The following QTMAN variants were observed in gnomAD, a reference collection of about 807,000 sequenced individuals.
QTMAN encodes tRNA-queuosine alpha-mannosyltransferase.
At chr2:144,120,896 T>C in the QTMAN span, among the ~76,000 whole-genome samples, 1 of 152,188 alleles carries the variant, frequency 6.6e-6, no homozygotes, top group Non-Finnish European at 1.5e-5. Flanking sequence ...CCAACTCACT[T>C]TCTCTACATT....
chr2:144,142,813 G>A, the QTMAN span, among the ~76,000 whole-genome samples: 6 of 151,964 alleles, frequency 3.9e-5, no homozygotes, highest in African/African-American at 7.2e-5. Context: ...CATGATCTTC[G>A]AATTCAATGA....
At chr2:144,245,950 CT>C in the QTMAN span, among the ~76,000 whole-genome samples, 2 of 152,146 alleles carry the variant, frequency 1.3e-5, no homozygotes, top group Non-Finnish European at 1.5e-5. Flanking sequence ...TCTGTTCTCT[CT>C]CCTTTTAATC....
chr2:144,078,156 G>A, the QTMAN span, among the ~76,000 whole-genome samples: 1 of 152,166 alleles, frequency 6.6e-6, no homozygotes, highest in Non-Finnish European at 1.5e-5. Flanking sequence ...CACAGTCTCT[G>A]AATACAACAC....
the QTMAN span, among the ~76,000 whole-genome samples, chr2:144,252,604 T>C: frequency 2.0e-5 from 3 of 152,150 alleles, no homozygotes; most frequent in Non-Finnish European, 4.4e-5. Context: ...CTAAAGACAA[T>C]GTAGAGCAAA....
chr2:144,115,746 T>C, the QTMAN span, among the ~76,000 whole-genome samples: 1 of 152,364 alleles, frequency 6.6e-6, no homozygotes, highest in South Asian at 2.1e-4. Flanking sequence ...TTGTCTTCTC[T>C]GTTATACACA....
chr2:144,053,778 C>T, the QTMAN span, among the ~76,000 whole-genome samples: 4 of 152,196 alleles, frequency 2.6e-5, no homozygotes, highest in South Asian at 2.1e-4. Context: ...ACAAACATTT[C>T]GCCTTTCAGC....
At chr2:144,122,110 A>G in the QTMAN span, among the ~76,000 whole-genome samples, 1 of 152,192 alleles carries the variant, frequency 6.6e-6, no homozygotes, top group South Asian at 2.1e-4. Flanking sequence ...ATTAAAATTA[A>G]TGGCACTATT....
chr2:144,018,895 C>G, the QTMAN span, among the ~76,000 whole-genome samples: 3 of 152,192 alleles, frequency 2.0e-5, no homozygotes, highest in Non-Finnish European at 4.4e-5. Context: ...TCTAGAGAAG[C>G]TGATCTTCAG....
At chr2:144,324,041 A>G in the QTMAN span, among the ~76,000 whole-genome samples, 1 of 152,142 alleles carries the variant, frequency 6.6e-6, no homozygotes, top group Non-Finnish European at 1.5e-5. Flanking sequence ...TTACATCTCT[A>G]TTCTTTAAAT....
the QTMAN span, among the ~76,000 whole-genome samples, chr2:144,080,452 T>A: frequency 1.3e-5 from 2 of 152,142 alleles, no homozygotes; most frequent in African/African-American, 4.8e-5. Context: ...GGCTGTCTAT[T>A]ACCTGGAGCT....
At chr2:144,127,930 A>G in the QTMAN span, 3 of 152,192 alleles carry the variant, frequency 2.0e-5, no homozygotes, top group Middle Eastern at 3.4e-3. Flanking sequence ...TGACCAGAAC[A>G]TCAGCCCACG....
chr2:143,972,748 G>C, the QTMAN span, among the ~76,000 whole-genome samples: 1 of 152,142 alleles, frequency 6.6e-6, no homozygotes, highest in Non-Finnish European at 1.5e-5. Flanking sequence ...GTAATATATG[G>C]CCAAATGTAA....
At chr2:144,254,332 G>T in the QTMAN span, among the ~76,000 whole-genome samples, 1 of 152,166 alleles carries the variant, frequency 6.6e-6, no homozygotes, top group African/African-American at 2.4e-5. Context: ...TGAGGCAGGA[G>T]AATCGTTTGA....
chr2:144,092,483 A>T, the QTMAN span, among the ~76,000 whole-genome samples: 6 of 152,272 alleles, frequency 3.9e-5, no homozygotes, highest in East Asian at 1.2e-3. Context: ...CCAAAACTGT[A>T]CATCTTATAT....
the QTMAN span, among the ~76,000 whole-genome samples, chr2:144,158,332 A>G: frequency 6.6e-6 from 1 of 152,006 alleles, no homozygotes; most frequent in East Asian, 1.9e-4. Flanking sequence ...AAAATGTGTC[A>G]AAGTACCCAA....
chr2:144,183,634 G>C, the QTMAN span, among the ~76,000 whole-genome samples: 1 of 152,016 alleles, frequency 6.6e-6, no homozygotes, highest in African/African-American at 2.4e-5. Flanking sequence ...AAAATCTATA[G>C]GGCTGAATTT....
At chr2:144,100,859 C>CTT in the QTMAN span, among the ~76,000 whole-genome samples, 311 of 77,918 alleles carry the variant, frequency 4.0e-3, 11 homozygotes, top group African/African-American at 9.0e-3. Context: ...GTCTTTCTTT[C>CTT]TTTTTTTTTT....
chr2:143,952,437 C>T, the QTMAN span, among the ~76,000 whole-genome samples: 4 of 151,240 alleles, frequency 2.6e-5, no homozygotes, highest in Non-Finnish European at 5.9e-5. Flanking sequence ...TTTGGTGTGA[C>T]TTTCAGTCCC....
the QTMAN span, among the ~76,000 whole-genome samples, chr2:144,331,108 C>G: frequency 6.6e-6 from 1 of 152,146 alleles, no homozygotes; most frequent in African/African-American, 2.4e-5. Context: ...AGGTACTCCT[C>G]TAATCCTCAA....
Sources: allele counts gnomAD v4.1 joint callset (sites outside exome capture counted in the v4.1 genomes callset), GRCh38; gene constraint gnomAD v4.1.1; transcripts MANE v1.5; gene names NCBI Gene and HGNC (gene_info 2026-07-23, HGNC 2026-07-21).